The following GPR155 variants were observed in gnomAD, a reference collection of about 807,000 sequenced individuals.
GPR155 encodes lysosomal cholesterol signaling protein.
A neutral mutation model predicts 93.1 loss-of-function variants in GPR155; 65 were observed. The observed-to-expected ratio is 0.70, with a 90% confidence interval of 0.57 to 0.86. The LOEUF is 0.86. Ranked by LOEUF, GPR155 falls within the 40% of genes least tolerant of loss-of-function variation. GPR155 has a pLI of 0.00. For missense variants in GPR155, 838 were observed against 1,034.8 expected, an observed-to-expected ratio of 0.81 and a Z score of 2.61; for synonymous variants, 319 against 360.1, an observed-to-expected ratio of 0.89 and a Z score of 1.29.
chr2:174,482,167 G>GA (rs989641809), intron 1 of GPR155, among the ~76,000 whole-genome samples, 180 bp from the exon 2 acceptor site: 1 of 151,766 alleles, frequency 6.6e-6, no homozygotes, highest in African/African-American at 2.4e-5. Flanking sequence ...AAATACAATG[G>GA]AAAAAAAAGT....
At chr2:174,482,023 C>A in intron 1 of GPR155, 36 bp from the exon 2 acceptor site, 1 of 1,075,802 alleles carries the variant, frequency 9.3e-7, no homozygotes, top group Non-Finnish European at 1.4e-6. Flanking sequence ...GTATGGCCAT[C>A]AACAAGAATT....
At chr2:174,465,612 T>C (rs970707481) in intron 7 of GPR155, among the ~76,000 whole-genome samples, 173 bp downstream of exon 7, 6 of 152,168 alleles carry the variant, frequency 3.9e-5, no homozygotes, top group African/African-American at 1.4e-4. Flanking sequence ...ATAGAGTACA[T>C]TAGGAAACAG....
Position 174,475,294 on chromosome 2 carries a change from C to CAAAAAAAAA in GPR155, c.461-1939_461-1931dup, listed in dbSNP as rs71024809. ...TGGGCGACAGAGCGAGACTCCGTCT[C>CAAAAAAAAA]AAAAAAAAAAAAAAAAAAAAAAAAA... On this transcript the variant is annotated intron_variant, in intron 2 of 15. Coordinates refer to ENST00000392552, the MANE Select transcript of GPR155 (RefSeq NM_152529.7). Among the ~76,000 whole-genome samples, 115 of 64,304 alleles carry CAAAAAAAAA rather than the reference C, an allele frequency of 1.8e-3. 3 individuals carry two copies. The highest frequency in any genetic ancestry group is 4.0e-3 in the African/African-American group (56 of 13,880). 42.2% of individuals were successfully genotyped at this position (64,304 alleles called of 152,430 possible). A position where few individuals can be genotyped will look rare whatever the true frequency, so the allele number is the denominator to read the frequency against.
chr2:174,486,380 G>C (rs1383704154), intron 1 of GPR155, among the ~76,000 whole-genome samples: 2 of 152,142 alleles, frequency 1.3e-5, no homozygotes, highest in Admixed American at 1.3e-4. Context: ...AGGCAGCCAG[G>C]GGTCTTTGCC....
chr2:174,447,394 A>G (rs1687167578), intron 11 of GPR155, among the ~76,000 whole-genome samples: 1 of 146,648 alleles, frequency 6.8e-6, no homozygotes, highest in Non-Finnish European at 1.5e-5. Context: ...AATTATATAT[A>G]ATTTTTATTT....
intron 10 of GPR155, among the ~76,000 whole-genome samples, chr2:174,459,464 G>C (rs1687617011): frequency 6.6e-6 from 1 of 152,170 alleles, no homozygotes. Context: ...TTCTTCATTT[G>C]ACAAGCACTC....
intron 10 of GPR155, among the ~76,000 whole-genome samples, chr2:174,455,102 T>C (rs1237937798): frequency 6.6e-6 from 1 of 152,162 alleles, no homozygotes; most frequent in Non-Finnish European, 1.5e-5. Flanking sequence ...TTTGAAGTGA[T>C]AGATATGCTA....
intron 1 of GPR155, among the ~76,000 whole-genome samples, chr2:174,485,082 G>A (rs528760558): frequency 6.6e-6 from 1 of 152,092 alleles, no homozygotes; most frequent in Non-Finnish European, 1.5e-5. Flanking sequence ...ACTGGTAAAA[G>A]ATCCACCAAC....
At chr2:174,484,911 TCAAA>T (rs1219917232) in intron 1 of GPR155, among the ~76,000 whole-genome samples, 1 of 152,132 alleles carries the variant, frequency 6.6e-6, no homozygotes, top group Non-Finnish European at 1.5e-5. Flanking sequence ...AGACCCTGTC[TCAAA>T]CAAAGACCTC....
chr2:174,472,573 A>G (rs1281529657), intron 3 of GPR155, among the ~76,000 whole-genome samples: 1 of 152,228 alleles, frequency 6.6e-6, no homozygotes, highest in African/African-American at 2.4e-5. Flanking sequence ...CATGAAAAAA[A>G]GTTTGCATTA....
chr2:174,465,737 G>A lies in GPR155; in HGVS notation c.1384+48C>T. On this transcript the variant is annotated intron_variant, in intron 7 of 15. Transcript: ENST00000392552. ...TAGAAGCTCAGGGCTATTAGGAATG[G>A]GGTGGGGTGGGGAACAGATCTCAAT... 4.5e-6 allele frequency: 4 copies of A among 885,738 alleles called. 1 individual carries two copies. The highest frequency in any genetic ancestry group is 7.6e-6 in the Non-Finnish European group (4 of 528,222). The allele number at this position is 885,738 out of a possible 1,614,324, so 54.9% of individuals were successfully genotyped here. A position where few individuals can be genotyped will look rare whatever the true frequency, so the allele number is the denominator to read the frequency against.
rs759621808 is a variant in GPR155, at chr2:174,481,610, A to G, written c.347T>C (p.Ile116Thr). 9 of 1,613,686 alleles carry G rather than the reference A, an allele frequency of 5.6e-6. No homozygotes were observed. Among genetic ancestry groups the G allele is most frequent in the Admixed American group, 1.7e-5 (1 of 60,032 alleles). The change falls in exon 2 of 16, where the codon ATT becomes ACT. Residue 116 changes from isoleucine (I) to threonine (T), a missense_variant. By Grantham distance (89) the Ile-to-Thr change is moderately conservative. This residue lies in a region of GPR155 where 663 missense variants were observed against 790.1 expected (regional missense o/e 0.84). Transcript: ENST00000392552. ...ILIAKASVFF[I>T]VCVLTLLVAS... The stretch of plus-strand genomic sequence containing the variant: ...AACCAATAAGGTTAATACACATACA[A>G]TGAAAAATACAGAAGCTTTGGCAAT...
chr2:174,436,244 A>C lies in GPR155; in HGVS notation c.2485T>G (p.Leu829Val). 1 of 1,614,162 alleles carries C rather than the reference A, an allele frequency of 6.2e-7. No homozygotes were observed. Residue 829 changes from leucine (L) to valine (V), a missense_variant, in exon 16 of 16, where the codon TTG becomes GTG. Leu to Val is a conservative substitution (Grantham distance 32, BLOSUM62 1). Transcript: ENST00000392552. ...TNEYEFRDEY[L>V]FYRFLQKSPE... ...CTCTTTTGAAGAAATCTGTAAAACA[A>C]GTACTCATCCCGGAATTCATACTCG...
At chr2:174,456,945 A>G (rs995964053) in intron 10 of GPR155, among the ~76,000 whole-genome samples, 1 of 152,238 alleles carries the variant, frequency 6.6e-6, no homozygotes, top group Non-Finnish European at 1.5e-5. Context: ...AATAGTGGTT[A>G]CTTCTGGAGT....
At chr2:174,455,742 T>C (rs1687496972) in intron 10 of GPR155, among the ~76,000 whole-genome samples, 1 of 152,202 alleles carries the variant, frequency 6.6e-6, no homozygotes, top group African/African-American at 2.4e-5. Context: ...TAAAGAATGA[T>C]GGAACCACTA....
chr2:174,447,480 G>T (rs11901689), intron 11 of GPR155, among the ~76,000 whole-genome samples: 1 of 143,280 alleles, frequency 7.0e-6, no homozygotes, highest in African/African-American at 2.5e-5. Flanking sequence ...TGTTATAAAT[G>T]TATATTATAT....
intron 8 of GPR155, 28 bp downstream of exon 8, chr2:174,461,560 G>A (rs1475556671): frequency 3.2e-6 from 5 of 1,563,000 alleles, no homozygotes; most frequent in East Asian, 2.2e-5. Context: ...ATGGAAAGGT[G>A]TAAGCAAACA....
At chr2:174,439,230 A>G (rs751820774) in intron 15 of GPR155, among the ~76,000 whole-genome samples, 1 of 152,192 alleles carries the variant, frequency 6.6e-6, no homozygotes, top group Non-Finnish European at 1.5e-5. Flanking sequence ...ACATAAAAGT[A>G]TTTGGTTCTT....
chr2:174,442,538 C>T lies in GPR155; in HGVS notation c.2110-355G>A, dbSNP rs540996763. ...AGTATTTATTATTTTTCCATGAAACCTCACAAATTATATAATTAACAAGTG... is the reference window on the plus strand; with the variant it reads ...AGTATTTATTATTTTTCCATGAAACTTCACAAATTATATAATTAACAAGTG... On this transcript the variant is annotated intron_variant, in intron 13 of 15. Transcript: ENST00000392552. 5.3e-5 allele frequency among the ~76,000 whole-genome samples: 8 copies of T among 152,244 alleles called. No individual in the cohort carries two copies. The East Asian group carries it at 9.6e-4, about 18-fold the overall frequency.
Sources: allele counts gnomAD v4.1 joint callset (sites outside exome capture counted in the v4.1 genomes callset), GRCh38; gene constraint gnomAD v4.1.1; regional missense constraint gnomAD v4.1.1; transcripts MANE v1.5; gene names NCBI Gene and HGNC (gene_info 2026-07-23, HGNC 2026-07-21).